The following SLC4A7 variants were observed in gnomAD, a reference collection of about 807,000 sequenced individuals.
SLC4A7 encodes solute carrier family 4 member 7, also known as sodium bicarbonate cotransporter 3.
A neutral mutation model predicts 137.6 loss-of-function variants in SLC4A7; 51 were observed. That is an observed-to-expected ratio of 0.37 (90% CI 0.30 to 0.47). The LOEUF is 0.47. Ranked by LOEUF, SLC4A7 falls within the 20% of genes least tolerant of loss-of-function variation. SLC4A7 has a pLI of 1.00. For missense variants in SLC4A7, 1,247 were observed against 1,525.4 expected, an observed-to-expected ratio of 0.82 and a Z score of 3.04; for synonymous variants, 542 against 518.6, an observed-to-expected ratio of 1.05 and a Z score of -0.61.
intron 22 of SLC4A7, among the ~76,000 whole-genome samples, 161 bp from the exon 23 acceptor site, chr3:27,386,184 CT>C (rs1177532357): frequency 7.5e-6 from 1 of 133,946 alleles, no homozygotes; most frequent in Non-Finnish European, 1.6e-5. Flanking sequence ...AATTATTTAT[CT>C]TTTTTTACTT....
intron 7 of SLC4A7, among the ~76,000 whole-genome samples, chr3:27,426,172 T>C (rs757410479): frequency 4.6e-5 from 7 of 152,242 alleles, no homozygotes; most frequent in Non-Finnish European, 8.8e-5. Flanking sequence ...ATACCTAAAC[T>C]ACAATGTTGA....
intron 9 of SLC4A7, among the ~76,000 whole-genome samples, chr3:27,421,079 G>T (rs1247196424): frequency 6.6e-6 from 1 of 152,054 alleles, no homozygotes; most frequent in Non-Finnish European, 1.5e-5. Flanking sequence ...ACAGCAGTGA[G>T]CCACTGTGCC....
chr3:27,425,955 T>C (rs2055566807), intron 7 of SLC4A7, among the ~76,000 whole-genome samples: 1 of 152,182 alleles, frequency 6.6e-6, no homozygotes, highest in Non-Finnish European at 1.5e-5. Context: ...AAAATCTGTT[T>C]TGTGGTTAGA....
chr3:27,481,700 T>C (rs1378137333), intron 1 of SLC4A7, among the ~76,000 whole-genome samples: 1 of 152,234 alleles, frequency 6.6e-6, no homozygotes, highest in Non-Finnish European at 1.5e-5. Context: ...TATTGATTTA[T>C]ATATGTTAAC....
At chr3:27,414,575 T>C (rs143005074) in intron 11 of SLC4A7, among the ~76,000 whole-genome samples, 8 of 152,350 alleles carry the variant, frequency 5.3e-5, no homozygotes, top group Non-Finnish European at 1.2e-4. Flanking sequence ...ACAGTACCAA[T>C]CCTTGTTTCC....
Position 27,431,501 on chromosome 3 carries a change from T to A in SLC4A7, c.947A>T (p.Gln316Leu). ...SRCTTPVPTP[Q>L]NSPPSSPSIS... is the part of the protein sequence containing the mutation. The stretch of plus-strand genomic sequence containing the variant: ...GCTAGGGCTAGAAGGAGGACTGTTT[T>A]GAGGGGTGGGTACTGGGGTTGTACA... Residue 316 changes from glutamine to leucine, a missense_variant, in exon 7 of 26, where the codon CAA becomes CTA. Around this residue, in one of 6 missense-constraint regions of SLC4A7, gnomAD observed 223 missense variants for 203.6 expected, o/e 1.10. Coordinates refer to ENST00000454389, the MANE Select transcript of SLC4A7 (RefSeq NM_001321103.2). The A allele has an allele frequency of 6.2e-7, 1 of 1,614,078 alleles. No individual in the cohort carries two copies. The highest frequency in any genetic ancestry group is 1.1e-5 in the South Asian group (1 of 91,078).
At chr3:27,393,087 C>T (rs952305202) in intron 20 of SLC4A7, among the ~76,000 whole-genome samples, 2 of 151,810 alleles carry the variant, frequency 1.3e-5, no homozygotes, top group Non-Finnish European at 2.9e-5. Context: ...AGACAATAGA[C>T]GAAAAGGGAA....
chr3:27,411,489 T>C (rs2053896101), intron 12 of SLC4A7, among the ~76,000 whole-genome samples, 153 bp downstream of exon 12: 1 of 151,460 alleles, frequency 6.6e-6, no homozygotes, highest in Non-Finnish European at 1.5e-5. Context: ...TATTTATACA[T>C]ATAAATTTTC....
intron 1 of SLC4A7, among the ~76,000 whole-genome samples, chr3:27,463,410 A>C (rs1454835257): frequency 6.6e-6 from 1 of 152,136 alleles, no homozygotes; most frequent in Non-Finnish European, 1.5e-5. Context: ...AGCCTCGGCG[A>C]CAGAGCGAGA....
Position 27,437,516 on chromosome 3 carries a change from G to A in SLC4A7, c.300C>T (p.Ser100=), listed in dbSNP as rs1379851045. 2 of 1,562,018 alleles carry A rather than the reference G, an allele frequency of 1.3e-6. No individual in the cohort carries two copies. Among genetic ancestry groups the A allele is most frequent in the Non-Finnish European group, 1.7e-6 (2 of 1,158,350 alleles). The part of the protein sequence containing the change: ...GRESPSYDTP[S]QRVQFILGTE... ...TACCAAGGATAAACTGAACTCTCTG[G>A]GATGGTGTATCTTTACAAAATAAGA... The change falls in exon 4 of 26, where the codon TCC becomes TCT. Residue 100 remains serine (S), a synonymous_variant. Transcript: ENST00000454389.
chr3:27,398,585 C>T (rs2052437846), intron 16 of SLC4A7, among the ~76,000 whole-genome samples: 1 of 152,174 alleles, frequency 6.6e-6, no homozygotes, highest in Admixed American at 6.5e-5. Context: ...TCTCAAATCA[C>T]TAAAATACAG....
chr3:27,382,006 GC>G (rs2050468652), intron 24 of SLC4A7, among the ~76,000 whole-genome samples: 1 of 151,946 alleles, frequency 6.6e-6, no homozygotes, highest in South Asian at 2.1e-4. Context: ...GGTGGAAGTT[GC>G]AGTAAGCCGA....
chr3:27,476,500 G>C lies in SLC4A7; in HGVS notation c.60+7567C>G, dbSNP rs577559694. Among the ~76,000 whole-genome samples the C allele has an allele frequency of 7.9e-5, 12 of 152,280 alleles. No individual in the cohort carries two copies. The East Asian group carries it at 2.1e-3, about 27-fold the overall frequency. The stretch of plus-strand genomic sequence containing the variant: ...TATATTCAATTTCAAATCTTATTGA[G>C]TCATGATATCATCTGCTATCGTTTG... On this transcript the variant is annotated intron_variant, in intron 1 of 25. Coordinates refer to ENST00000454389, the MANE Select transcript of SLC4A7 (RefSeq NM_001321103.2).
rs1228400666 is a variant in SLC4A7 at position 27,436,754 on chromosome 3, G to T, written c.429-206C>A. Among the ~76,000 whole-genome samples the T allele has an allele frequency of 4.6e-5, 7 of 151,842 alleles. No individual in the cohort carries two copies. The East Asian group carries it at 9.7e-4, about 21-fold the overall frequency. On this transcript the variant is annotated intron_variant, in intron 4 of 25. Coordinates refer to ENST00000454389, the MANE Select transcript of SLC4A7 (RefSeq NM_001321103.2). ...TTTGTAGTTCCTCTTTCTATTCTAG[G>T]TATCATAATAATAAGCCTACAAAAA... is the stretch of plus-strand genomic sequence containing the variant.
At chr3:27,413,256 C>A (rs1299118394) in intron 11 of SLC4A7, among the ~76,000 whole-genome samples, 1 of 152,090 alleles carries the variant, frequency 6.6e-6, no homozygotes, top group East Asian at 1.9e-4. Context: ...TTTACATATA[C>A]CAATTTCCAA....
Position 27,421,772 on chromosome 3 carries a change from A to G in SLC4A7, c.1274T>C (p.Met425Thr), listed in dbSNP as rs937442498. 25 of 1,609,368 alleles carry G rather than the reference A, an allele frequency of 1.6e-5. No individual in the cohort carries two copies. The highest frequency in any genetic ancestry group is 1.7e-4 in the Middle Eastern group (1 of 6,048). Residue 425 changes from methionine (M) to threonine (T), a missense_variant, in exon 9 of 26, where the codon ATG becomes ACG. Met to Thr is a moderately conservative substitution (Grantham distance 81). This residue lies in a region of SLC4A7 where 499 missense variants were observed against 664.2 expected (regional missense o/e 0.75). Transcript: ENST00000454389. The part of the protein sequence containing the change: ...NSTVDFSKVD[M>T]NFMRKIPTGA... Reference sequence around the variant, plus strand: ...CGTAGGAATTTTTCTCATGAAATTCATATCAACCTATTGACAAATAAATAA... The same window carrying G: ...CGTAGGAATTTTTCTCATGAAATTCGTATCAACCTATTGACAAATAAATAA...
rs763007882 is a variant in SLC4A7 at position 27,397,739 on chromosome 3, A to G, written c.2648T>C (p.Ile883Thr). Residue 883 changes from isoleucine to threonine, a missense_variant, in exon 18 of 26, where the codon ATT becomes ACT. By Grantham distance (89) the Ile-to-Thr change is moderately conservative. Transcript: ENST00000454389. ...AGATGGAACTCCTACAAGGTAGTCA[A>G]TTGTAACCATTATTACTATTGTGAG... Reference protein sequence around the residue: ...VFLTIVIMVTIDYLVGVPSPK... With the variant: ...VFLTIVIMVTTDYLVGVPSPK... The G allele has an allele frequency of 4.3e-6, 7 of 1,610,348 alleles. No individual in the cohort carries two copies. The Admixed American group carries it at 1.2e-4, about 27-fold the overall frequency.
chr3:27,383,607 T>C (rs1283347402), intron 23 of SLC4A7, among the ~76,000 whole-genome samples: 1 of 152,190 alleles, frequency 6.6e-6, no homozygotes, highest in African/African-American at 2.4e-5. Context: ...CAGAATGTCA[T>C]TTGGATAAGG....
At chr3:27,438,329 AC>A (rs1368294796) in intron 3 of SLC4A7, among the ~76,000 whole-genome samples, 1 of 149,560 alleles carries the variant, frequency 6.7e-6, no homozygotes, top group African/African-American at 2.5e-5. Context: ...ACATGGTGAA[AC>A]CCTGTCTCTA....
Sources: allele counts gnomAD v4.1 joint callset (sites outside exome capture counted in the v4.1 genomes callset), GRCh38; gene constraint gnomAD v4.1.1; regional missense constraint gnomAD v4.1.1; transcripts MANE v1.5; gene names NCBI Gene and HGNC (gene_info 2026-07-23, HGNC 2026-07-21).